Variants in KCNIP3 observed in about 807,000 individuals in gnomAD.
The protein encoded by KCNIP3 is potassium voltage-gated channel interacting protein 3, also known as calsenilin.
A neutral mutation model predicts 35.0 loss-of-function variants in KCNIP3; 28 were observed. That is an observed-to-expected ratio of 0.80 (90% CI 0.59 to 1.10). The LOEUF is 1.10. Ranked by LOEUF, KCNIP3 falls within the 50% of genes least tolerant of loss-of-function variation. The pLI is 0.00. For synonymous variants in KCNIP3, 134 were observed against 133.8 expected, an observed-to-expected ratio of 1.00 and a Z score of -0.01; for missense variants, 295 against 338.4, an observed-to-expected ratio of 0.87 and a Z score of 1.01.
chr2:95,383,121 C>CCCCCCCAA, intron 7 of KCNIP3, 111 bp from the exon 8 acceptor site: 1 of 411,650 alleles, frequency 2.4e-6, no homozygotes, highest in Non-Finnish European at 4.6e-6. Context: ...GCCCACCCGC[C>CCCCCCCAA]CATCCACCCA....
chr2:95,331,457 T>C (rs1462142187), intron 2 of KCNIP3, among the ~76,000 whole-genome samples: 2 of 151,982 alleles, frequency 1.3e-5, no homozygotes, highest in African/African-American at 4.8e-5. Context: ...AGGTGGGATC[T>C]GCAAGGGTTG....
At chr2:95,375,739 CTTCCCTG>C (rs1680168229) in intron 5 of KCNIP3, among the ~76,000 whole-genome samples, 1 of 152,178 alleles carries the variant, frequency 6.6e-6, no homozygotes, top group Non-Finnish European at 1.5e-5. Flanking sequence ...ACCCAGACAG[CTTCCCTG>C]TGGGGTCCTG....
chr2:95,358,603 A>G (rs976774375), intron 2 of KCNIP3, among the ~76,000 whole-genome samples: 1 of 152,236 alleles, frequency 6.6e-6, no homozygotes, highest in African/African-American at 2.4e-5. Flanking sequence ...TTGTACAGAA[A>G]TGTATTGGTT....
At chr2:95,380,217 T>C (rs1431988755) in intron 5 of KCNIP3, among the ~76,000 whole-genome samples, 1 of 152,232 alleles carries the variant, frequency 6.6e-6, no homozygotes. Flanking sequence ...CTTTCTTTTT[T>C]CCAGTTACCT....
chr2:95,349,792 TGAA>T (rs1278341552), intron 2 of KCNIP3, among the ~76,000 whole-genome samples: 1 of 152,210 alleles, frequency 6.6e-6, no homozygotes, highest in African/African-American at 2.4e-5. Flanking sequence ...ATATCAGAGA[TGAA>T]GAAGCTGCCT....
intron 2 of KCNIP3, among the ~76,000 whole-genome samples, chr2:95,318,599 C>A (rs1483309611): frequency 6.6e-6 from 1 of 152,162 alleles, no homozygotes; most frequent in African/African-American, 2.4e-5. Context: ...CCACTCCAGG[C>A]TCTCCCTCCT....
At chr2:95,325,658 TACAC>T (rs1317615835) in intron 2 of KCNIP3, among the ~76,000 whole-genome samples, 2 of 143,408 alleles carry the variant, frequency 1.4e-5, no homozygotes, top group Admixed American at 7.6e-5. Context: ...CACAAATAGA[TACAC>T]ACTCATACAC....
intron 2 of KCNIP3, among the ~76,000 whole-genome samples, chr2:95,327,070 G>A (rs1394590262): frequency 1.3e-5 from 2 of 152,238 alleles, no homozygotes; most frequent in Non-Finnish European, 1.5e-5. Context: ...CCGGAGGACT[G>A]AAGGCTGACT....
At chr2:95,375,746 G>A (rs1680168523) in intron 5 of KCNIP3, among the ~76,000 whole-genome samples, 1 of 152,166 alleles carries the variant, frequency 6.6e-6, no homozygotes, top group Admixed American at 6.5e-5. Flanking sequence ...CAGCTTCCCT[G>A]TGGGGTCCTG....
chr2:95,327,850 C>T (rs562023402), intron 2 of KCNIP3, among the ~76,000 whole-genome samples: 2 of 152,326 alleles, frequency 1.3e-5, no homozygotes, highest in East Asian at 3.9e-4. Flanking sequence ...GAAGAAGGAG[C>T]CAGGGAAGCC....
intron 2 of KCNIP3, among the ~76,000 whole-genome samples, chr2:95,366,660 G>A (rs1038319755): frequency 1.3e-5 from 2 of 152,064 alleles, no homozygotes; most frequent in African/African-American, 2.4e-5. Context: ...AGTGGTTCCC[G>A]TCGCTCTGCA....
chr2:95,350,591 G>C (rs1323519236), intron 2 of KCNIP3, among the ~76,000 whole-genome samples: 2 of 152,180 alleles, frequency 1.3e-5, no homozygotes, highest in Non-Finnish European at 2.9e-5. Flanking sequence ...CGAGCAGGGG[G>C]CCCGGAGCAG....
At chr2:95,351,767 G>A (rs1218669554) in intron 2 of KCNIP3, among the ~76,000 whole-genome samples, 2 of 152,144 alleles carry the variant, frequency 1.3e-5, no homozygotes, top group African/African-American at 4.8e-5. Flanking sequence ...GTCACGGGAG[G>A]CCAGGAGTTC....
At chr2:95,318,145 G>A (rs551557281) in intron 2 of KCNIP3, among the ~76,000 whole-genome samples, 53 of 152,252 alleles carry the variant, frequency 3.5e-4, no homozygotes, top group Non-Finnish European at 5.0e-4. Flanking sequence ...GTGACCTGGG[G>A]ACAGTGAATG....
chr2:95,356,201 T>C (rs2104279832), intron 2 of KCNIP3, among the ~76,000 whole-genome samples: 1 of 152,356 alleles, frequency 6.6e-6, no homozygotes, highest in Non-Finnish European at 1.5e-5. Flanking sequence ...TTGTTTGTTT[T>C]TTTTTCTTGT....
intron 2 of KCNIP3, among the ~76,000 whole-genome samples, chr2:95,366,078 C>G (rs1016729897): frequency 6.6e-6 from 1 of 152,128 alleles, no homozygotes; most frequent in African/African-American, 2.4e-5. Context: ...AACTCCAGGG[C>G]TCAAGCAGTC....
rs1184405158 is a variant in KCNIP3 at position 95,347,080 on chromosome 2, G to T, written c.182-27216G>T. 4 of 1,611,868 alleles carry T rather than the reference G, an allele frequency of 2.5e-6. No individual in the cohort carries two copies. In the South Asian group the frequency reaches 3.3e-5, roughly 13 times the overall value. The stretch of plus-strand genomic sequence containing the variant: ...CGTGGTGGTGCTGCTGTTCATCGCC[G>T]TCCTCAAGCAGTTCGGCATCCTGGA... On this transcript the variant is annotated intron_variant, in intron 2 of 8. Coordinates refer to ENST00000295225, the MANE Select transcript of KCNIP3 (RefSeq NM_013434.5).
In KCNIP3 at chr2:95,334,021, C is replaced by T. The variant is rs112907810; in HGVS notation, c.181+23501C>T. On this transcript the variant is annotated intron_variant, in intron 2 of 8. Coordinates refer to ENST00000295225, the MANE Select transcript of KCNIP3 (RefSeq NM_013434.5). ...GCATCAAGCGTCCCAGATGGAAATTCCCCAAGACACCCTTGGGCCCTCGGC... is the reference window on the plus strand; with the variant it reads ...GCATCAAGCGTCCCAGATGGAAATTTCCCAAGACACCCTTGGGCCCTCGGC... Among the ~76,000 whole-genome samples the T allele has an allele frequency of 4.9e-3, 743 of 152,366 alleles. 9 individuals carry two copies. The highest frequency in any genetic ancestry group is 0.017 in the African/African-American group (718 of 41,580).
intron 2 of KCNIP3, among the ~76,000 whole-genome samples, chr2:95,343,540 G>A (rs543723611): frequency 4.6e-5 from 7 of 152,212 alleles, no homozygotes; most frequent in African/African-American, 1.4e-4. Flanking sequence ...GCCCAGACCC[G>A]CCCTTATGAG....
Sources: gnomAD v4.1 joint callset for allele counts (sites outside exome capture counted in the v4.1 genomes callset) on GRCh38, gnomAD v4.1.1 for gene constraint, MANE v1.5 for transcripts, NCBI Gene and HGNC (gene_info 2026-07-23, HGNC 2026-07-21) for gene names.